NALCN: variants seen among roughly 807,000 people sequenced by gnomAD.
NALCN encodes the protein sodium leak channel, non-selective, also known as sodium leak channel NALCN.
Under a neutral mutation model 225.3 loss-of-function variants are expected in NALCN, and 111 were observed. That is an observed-to-expected ratio of 0.49 (90% confidence interval 0.42 to 0.58). The LOEUF (loss-of-function observed/expected upper bound fraction) is 0.58. Among genes scored for constraint, NALCN ranks in the 20% least tolerant of loss-of-function variants. NALCN has a pLI of 0.00. For synonymous variants in NALCN, 764 were observed against 769.0 expected (o/e 0.99, Z 0.11); for missense variants, 1,378 against 2,202.4 (o/e 0.63, Z 7.49).
At chr13:101,163,607 C>A (rs915661577) in intron 15 of NALCN, among the ~76,000 whole-genome samples, 5 of 152,110 alleles carry the variant, frequency 3.3e-5, no homozygotes, top group Non-Finnish European at 5.9e-5. Context: ...GAGAAAGCTG[C>A]TCCAGGGTGG....
intron 3 of NALCN, among the ~76,000 whole-genome samples, chr13:101,384,504 C>G (rs1055339331): frequency 4.6e-5 from 7 of 152,096 alleles, no homozygotes; most frequent in African/African-American, 1.4e-4. Context: ...ATGATATGCA[C>G]TGGTACAGTT....
intron 13 of NALCN, among the ~76,000 whole-genome samples, chr13:101,225,775 C>A (rs1594475043): frequency 6.6e-6 from 1 of 152,284 alleles, no homozygotes; most frequent in Non-Finnish European, 1.5e-5. Context: ...CCAAAACAAC[C>A]AAATACATTC....
chr13:101,177,409 G>GTATATATATATATATATATAGA (rs2039004045), intron 14 of NALCN, among the ~76,000 whole-genome samples: 1 of 124,328 alleles, frequency 8.0e-6, no homozygotes, highest in Non-Finnish European at 1.8e-5. Flanking sequence ...GTAAATACGA[G>GTATATATATATATATATATAGA]TATATATATA....
intron 6 of NALCN, among the ~76,000 whole-genome samples, chr13:101,361,693 AC>A (rs1226558137): frequency 9.2e-5 from 14 of 152,218 alleles, no homozygotes; most frequent in Admixed American, 2.0e-4. Flanking sequence ...ATGGAACATA[AC>A]TTATCGGGTT....
chr13:101,312,613 T>G (rs577935687), intron 7 of NALCN, among the ~76,000 whole-genome samples: 83 of 152,332 alleles, frequency 5.4e-4, no homozygotes, highest in African/African-American at 1.7e-3. Context: ...TTCATTTCAT[T>G]ATGTACCCAG....
intron 11 of NALCN, among the ~76,000 whole-genome samples, chr13:101,249,348 C>A (rs1183584822): frequency 1.5e-4 from 23 of 152,112 alleles, no homozygotes; most frequent in Non-Finnish European, 1.5e-5. Flanking sequence ...CAAACAATAG[C>A]CCTAGATGGT....
chr13:101,282,281 A>T (rs1351644580), intron 10 of NALCN, among the ~76,000 whole-genome samples: 3 of 152,074 alleles, frequency 2.0e-5, no homozygotes, highest in Non-Finnish European at 2.9e-5. Context: ...ATGAATGGAT[A>T]AAAAAAATGT....
intron 6 of NALCN, among the ~76,000 whole-genome samples, chr13:101,372,225 G>A (rs922379203): frequency 1.3e-5 from 2 of 152,090 alleles, no homozygotes; most frequent in African/African-American, 4.8e-5. Context: ...AAATAAGAGA[G>A]ATTGAAAATT....
chr13:101,144,757 T>G lies in NALCN; in HGVS notation c.1976+3A>C. ...ATATGCAATTAAAGAAGTATTTTGG[T>G]ACCTGATTTTAGGAACTGTAAAATC... is the stretch of plus-strand genomic sequence containing the variant. On this transcript the variant is annotated splice_donor_region_variant and intron_variant, in intron 16 of 43. Coordinates refer to ENST00000251127, the MANE Select transcript of NALCN (RefSeq NM_052867.4). The G allele has an allele frequency of 6.2e-7, 1 of 1,605,170 alleles. No individual in the cohort carries two copies. The highest frequency in any genetic ancestry group is 8.5e-7 in the Non-Finnish European group (1 of 1,177,494).
chr13:101,210,180 C>T (rs1297850144), intron 13 of NALCN, among the ~76,000 whole-genome samples: 1 of 152,122 alleles, frequency 6.6e-6, no homozygotes, highest in African/African-American at 2.4e-5. Context: ...CTCTCTCCTT[C>T]CCCACCCCCA....
intron 10 of NALCN, among the ~76,000 whole-genome samples, chr13:101,282,129 A>G (rs993039660): frequency 6.6e-6 from 1 of 152,190 alleles, no homozygotes; most frequent in Admixed American, 6.5e-5. Flanking sequence ...TAGAACTACC[A>G]TATGATCCCA....
rs151192461 is a variant in NALCN, at chr13:101,144,997, T to A, written c.1840-101A>T. 11,672 of 1,324,108 alleles carry A rather than the reference T, an allele frequency of 8.8e-3. 55 individuals carry two copies. The highest frequency in any genetic ancestry group is 0.01 in the Non-Finnish European group (10,119 of 1,003,706). The allele number at this position is 1,324,108 out of a possible 1,614,324, so 82.0% of individuals were successfully genotyped here. ...AGAATGGAAGCAATAAGTAATTACATGAAATGCCAGTAGATGGCAGCAAAG... is the reference window on the plus strand; with the variant it reads ...AGAATGGAAGCAATAAGTAATTACAAGAAATGCCAGTAGATGGCAGCAAAG... On this transcript the variant is annotated intron_variant, in intron 15 of 43. Coordinates refer to ENST00000251127, the MANE Select transcript of NALCN (RefSeq NM_052867.4).
At chr13:101,371,394 C>T (rs1020100651) in intron 6 of NALCN, among the ~76,000 whole-genome samples, 2 of 152,180 alleles carry the variant, frequency 1.3e-5, no homozygotes, top group African/African-American at 4.8e-5. Context: ...TCATAGCTCA[C>T]TCTAGTCTCA....
At chr13:101,412,903 AT>A (rs972617917) in intron 1 of NALCN, among the ~76,000 whole-genome samples, 1 of 152,024 alleles carries the variant, frequency 6.6e-6, no homozygotes, top group South Asian at 2.1e-4. Flanking sequence ...ACTTGCATTG[AT>A]TTTTTTCTTT....
intron 1 of NALCN, among the ~76,000 whole-genome samples, chr13:101,413,481 T>C (rs1227967702): frequency 1.3e-5 from 2 of 152,010 alleles, no homozygotes; most frequent in Non-Finnish European, 2.9e-5. Flanking sequence ...TTACTGGGTA[T>C]GGTGTTATAC....
chr13:101,198,357 T>C (rs532083255), intron 13 of NALCN, among the ~76,000 whole-genome samples: 306 of 152,090 alleles, frequency 2.0e-3, no homozygotes, highest in African/African-American at 7.0e-3. Flanking sequence ...AACAGGCAAC[T>C]TACAGAATGG....
chr13:101,073,729 A>G (rs1299962316), intron 36 of NALCN, 52 bp from the exon 37 acceptor site: 1 of 1,478,986 alleles, frequency 6.8e-7, no homozygotes, highest in Admixed American at 1.8e-5. Context: ...AGGGTTTGTC[A>G]TGAAATAGCA....
chr13:101,314,116 A>G (rs1033580268), intron 7 of NALCN, among the ~76,000 whole-genome samples: 2 of 136,646 alleles, frequency 1.5e-5, no homozygotes, highest in Non-Finnish European at 3.1e-5. Flanking sequence ...AACAATGAGA[A>G]CACATGGACA....
chr13:101,064,199 G>C (rs2139419021), intron 40 of NALCN, among the ~76,000 whole-genome samples: 1 of 152,270 alleles, frequency 6.6e-6, no homozygotes, highest in Non-Finnish European at 1.5e-5. Flanking sequence ...TGGTAACAAA[G>C]ACATGGATAT....
Sources: allele counts gnomAD v4.1 joint callset (sites outside exome capture counted in the v4.1 genomes callset), GRCh38; gene constraint gnomAD v4.1.1; transcripts MANE v1.5; gene names NCBI Gene and HGNC (gene_info 2026-07-23, HGNC 2026-07-21).